Variants in CAPZB observed in about 807,000 individuals in gnomAD.
CAPZB encodes F-actin-capping protein subunit beta.
In CAPZB, 2 loss-of-function variants were observed where a neutral mutation model predicts 38.1. The ratio of observed to expected loss-of-function variants is 0.05; its 90% CI spans 0.02 to 0.17. The LOEUF is 0.17. CAPZB is among the 10% of genes least tolerant of loss of function. The pLI, the probability that CAPZB is intolerant of heterozygous loss-of-function variation, is 1.00. For synonymous variants in CAPZB, 107 were observed against 127.4 expected (o/e 0.84, Z 1.08); for missense variants, 161 against 334.2 (o/e 0.48, Z 4.04).
intron 2 of CAPZB, among the ~76,000 whole-genome samples, chr1:19,410,870 G>A (rs866889128): frequency 3.3e-5 from 5 of 152,058 alleles, no homozygotes; most frequent in African/African-American, 1.2e-4. Context: ...CCTCTTCCCC[G>A]CAACCCCACA....
At chr1:19,418,802 A>T (rs1017859175) in intron 2 of CAPZB, among the ~76,000 whole-genome samples, 2 of 152,246 alleles carry the variant, frequency 1.3e-5, no homozygotes, top group African/African-American at 4.8e-5. Context: ...AATTAAATAA[A>T]TCACTACAGC....
chr1:19,483,926 G>A (rs904390893), intron 1 of CAPZB, among the ~76,000 whole-genome samples: 3 of 152,158 alleles, frequency 2.0e-5, no homozygotes, highest in African/African-American at 4.8e-5. Flanking sequence ...AAGGAACCAT[G>A]GTCCTCAAAA....
chr1:19,459,179 G>C (rs2094542560), intron 1 of CAPZB, among the ~76,000 whole-genome samples: 1 of 152,156 alleles, frequency 6.6e-6, no homozygotes, highest in Admixed American at 6.5e-5. Flanking sequence ...CTGAGGACAA[G>C]GCTAATTTTA....
At chr1:19,361,570 G>T (rs1363452052) in intron 4 of CAPZB, among the ~76,000 whole-genome samples, 1 of 152,250 alleles carries the variant, frequency 6.6e-6, no homozygotes, top group Non-Finnish European at 1.5e-5. Flanking sequence ...CCCGCTACAT[G>T]GTTTATGGCT....
intron 1 of CAPZB, among the ~76,000 whole-genome samples, chr1:19,438,395 T>C (rs773417833): frequency 2.6e-5 from 4 of 152,278 alleles, no homozygotes; most frequent in Admixed American, 1.3e-4. Flanking sequence ...GCTGGGCCTC[T>C]CTTCTACCAC....
chr1:19,347,228 C>T (rs111797129), intron 6 of CAPZB, among the ~76,000 whole-genome samples: 41 of 152,220 alleles, frequency 2.7e-4, no homozygotes, highest in Non-Finnish European at 5.3e-4. Flanking sequence ...TTGATGGGAT[C>T]GTTAAAATCA....
intron 1 of CAPZB, among the ~76,000 whole-genome samples, chr1:19,450,818 T>C (rs756413802): frequency 1.3e-5 from 2 of 152,166 alleles, no homozygotes; most frequent in Non-Finnish European, 2.9e-5. Flanking sequence ...GGAAAAAGTA[T>C]CTAAAATGCA....
At chr1:19,484,915 C>A (rs1298748809) in intron 1 of CAPZB, among the ~76,000 whole-genome samples, 1 of 152,146 alleles carries the variant, frequency 6.6e-6, no homozygotes, top group Non-Finnish European at 1.5e-5. Context: ...CAAACCTAGG[C>A]CGCTGCAGAA....
intron 2 of CAPZB, among the ~76,000 whole-genome samples, chr1:19,396,217 G>A (rs1205412337): frequency 3.3e-5 from 5 of 152,198 alleles, no homozygotes; most frequent in South Asian, 2.1e-4. Flanking sequence ...CCTCATGCCC[G>A]GCTTGATGCT....
At chr1:19,414,277 T>G (rs1172882990) in intron 2 of CAPZB, among the ~76,000 whole-genome samples, 1 of 152,230 alleles carries the variant, frequency 6.6e-6, no homozygotes, top group Non-Finnish European at 1.5e-5. Context: ...CCGCTGAGGC[T>G]GGCAGTGTGA....
chr1:19,360,443 A>G (rs214302), intron 4 of CAPZB, among the ~76,000 whole-genome samples: 68,989 of 152,054 alleles, frequency 0.45, 15,909 homozygotes, highest in East Asian at 0.56. Context: ...TCATCCTTCC[A>G]CTCCTTCACA....
At chr1:19,442,321 C>CA (rs772260759) in intron 1 of CAPZB, among the ~76,000 whole-genome samples, 3 of 152,104 alleles carry the variant, frequency 2.0e-5, no homozygotes, top group Non-Finnish European at 2.9e-5. Flanking sequence ...GGATCTGATT[C>CA]AAACTGATTC....
chr1:19,467,813 A>G (rs979839671), intron 1 of CAPZB, among the ~76,000 whole-genome samples: 6 of 152,192 alleles, frequency 3.9e-5, no homozygotes, highest in African/African-American at 1.4e-4. Flanking sequence ...TTGGGTTCAC[A>G]TAACACCTCA....
chr1:19,436,983 T>C (rs1236738384), intron 1 of CAPZB, among the ~76,000 whole-genome samples: 1 of 152,228 alleles, frequency 6.6e-6, no homozygotes, highest in Non-Finnish European at 1.5e-5. Context: ...TTCAGTTGTC[T>C]GAGCCAAGGA....
chr1:19,384,971 G>C (rs2094195757), intron 3 of CAPZB, among the ~76,000 whole-genome samples: 1 of 152,080 alleles, frequency 6.6e-6, no homozygotes, highest in Non-Finnish European at 1.5e-5. Flanking sequence ...TCCTATGCTA[G>C]ACCTGGTGAT....
chr1:19,452,719 ACACTGCCCTCCTGCCACTGGACCCTCAC>A (rs929563815), intron 1 of CAPZB, among the ~76,000 whole-genome samples: 4 of 146,308 alleles, frequency 2.7e-5, no homozygotes, highest in Non-Finnish European at 6.0e-5. Flanking sequence ...CCTCTCCACC[ACACTGCCCTCCTGCCACTGGACCCTCAC>A]CACTCCCCTC....
At chr1:19,408,810 C>G (rs2094344732) in intron 2 of CAPZB, among the ~76,000 whole-genome samples, 1 of 152,200 alleles carries the variant, frequency 6.6e-6, no homozygotes, top group Non-Finnish European at 1.5e-5. Flanking sequence ...CTCCTGACTT[C>G]CAGTAAGATT....
chr1:19,432,634 G>A (rs2094446213), intron 1 of CAPZB, among the ~76,000 whole-genome samples: 1 of 152,198 alleles, frequency 6.6e-6, no homozygotes, highest in African/African-American at 2.4e-5. Context: ...TGGGTTTCAG[G>A]AGAGCCTCAC....
In CAPZB at chr1:19,356,873, T is replaced by A. The variant is rs1056003252; in HGVS notation, c.472-122A>T. 6.4e-5 allele frequency: 42 copies of A among 653,622 alleles called. No individual in the cohort carries two copies. The highest frequency in any genetic ancestry group is 1.1e-4 in the East Asian group (4 of 36,474). The allele number at this position is 653,622 out of a possible 1,614,324, so 40.5% of individuals were successfully genotyped here. On this transcript the variant is annotated intron_variant, in intron 5 of 8. Coordinates refer to ENST00000264202, the MANE Select transcript of CAPZB (RefSeq NM_004930.5). This position sits in a 1 kb window ranked among gnomAD's most constrained non-coding sequence, Gnocchi z 4.3. ...ATCACAATATTACCTTTTTTTTTTT[T>A]AAATTGGAGACAAAGTCTCGCTCTG...
Sources: gnomAD v4.1 joint callset for allele counts (sites outside exome capture counted in the v4.1 genomes callset) on GRCh38, gnomAD v4.1.1 for gene constraint, Gnocchi (gnomAD v3.1) non-coding constraint, MANE v1.5 for transcripts, NCBI Gene and HGNC (gene_info 2026-07-23, HGNC 2026-07-21) for gene names.